Variants in ACVR2A observed in about 807,000 individuals in gnomAD.
ACVR2A encodes activin A receptor type 2A.
ACVR2A carries 7 observed loss-of-function variants against 61.4 expected under a neutral mutation model. That is an observed-to-expected ratio of 0.11 (90% CI 0.06 to 0.21). ACVR2A has a LOEUF of 0.21. Ranked by LOEUF, ACVR2A falls within the 10% of genes least tolerant of loss-of-function variation. The pLI is 1.00. For synonymous variants in ACVR2A, 193 were observed against 208.3 expected, an observed-to-expected ratio of 0.93 and a Z score of 0.63; for missense variants, 322 against 621.7, an observed-to-expected ratio of 0.52 and a Z score of 5.13.
At chr2:147,882,883 G>A (rs893202169) in intron 1 of ACVR2A, among the ~76,000 whole-genome samples, 48 of 152,058 alleles carry the variant, frequency 3.2e-4, no homozygotes, top group Non-Finnish European at 5.9e-4. Flanking sequence ...TTGTTTGGTG[G>A]TGGGAAGGGG....
chr2:147,912,203 T>G (rs900761666), intron 4 of ACVR2A, among the ~76,000 whole-genome samples: 1 of 152,008 alleles, frequency 6.6e-6, no homozygotes, highest in Admixed American at 6.6e-5. Context: ...GGTAGTGGTT[T>G]GGGGGCAGGA....
chr2:147,887,211 CA>C (rs549077029), intron 1 of ACVR2A, among the ~76,000 whole-genome samples: 1,558 of 113,660 alleles, frequency 0.014, 10 homozygotes, highest in African/African-American at 0.034. Flanking sequence ...GATCTTGTCT[CA>C]AAAAAAAAAA....
chr2:147,870,170 AAAATT>A (rs1685973762), intron 1 of ACVR2A, among the ~76,000 whole-genome samples: 1 of 152,100 alleles, frequency 6.6e-6, no homozygotes, highest in African/African-American at 2.4e-5. Flanking sequence ...GCAAAATAAA[AAAATT>A]AGTAGAGTGA....
chr2:147,885,937 T>G (rs2105176728), intron 1 of ACVR2A, among the ~76,000 whole-genome samples: 1 of 152,210 alleles, frequency 6.6e-6, no homozygotes, highest in South Asian at 2.1e-4. Context: ...AAATCCTTTG[T>G]GTTGAGATTT....
intron 1 of ACVR2A, among the ~76,000 whole-genome samples, chr2:147,891,176 A>G (rs991947094): frequency 2.0e-5 from 3 of 152,186 alleles, no homozygotes; most frequent in Non-Finnish European, 2.9e-5. Flanking sequence ...AGCCATTACT[A>G]ACGCTGATTG....
At chr2:147,887,618 A>G (rs1289608067) in intron 1 of ACVR2A, among the ~76,000 whole-genome samples, 1 of 152,146 alleles carries the variant, frequency 6.6e-6, no homozygotes, top group African/African-American at 2.4e-5. Context: ...TAATTGACAA[A>G]TAATTGCATA....
At chr2:147,922,488 TATAA>T (rs1316305008) in intron 8 of ACVR2A, among the ~76,000 whole-genome samples, 3 of 152,134 alleles carry the variant, frequency 2.0e-5, no homozygotes, top group African/African-American at 4.8e-5. Flanking sequence ...TGGGGACAGT[TATAA>T]ATAAAGGACT....
chr2:147,888,184 T>A (rs1465825706), intron 1 of ACVR2A, among the ~76,000 whole-genome samples: 5 of 152,206 alleles, frequency 3.3e-5, no homozygotes, highest in Non-Finnish European at 4.4e-5. Context: ...TATGTTTCTG[T>A]CCCTCTGTCA....
chr2:147,923,281 A>G (rs1687429682), intron 9 of ACVR2A, among the ~76,000 whole-genome samples, 170 bp downstream of exon 9: 1 of 151,864 alleles, frequency 6.6e-6, no homozygotes. Context: ...TAGGAGAGGA[A>G]AGGAATTGCT....
At chr2:147,867,863 A>C (rs1685904465) in intron 1 of ACVR2A, among the ~76,000 whole-genome samples, 1 of 152,048 alleles carries the variant, frequency 6.6e-6, no homozygotes, top group Non-Finnish European at 1.5e-5. Context: ...CAACACTAGA[A>C]GACTTCTGAT....
At chr2:147,886,537 G>A (rs1417508169) in intron 1 of ACVR2A, among the ~76,000 whole-genome samples, 1 of 152,120 alleles carries the variant, frequency 6.6e-6, no homozygotes, top group Non-Finnish European at 1.5e-5. Context: ...ATTGTGATAG[G>A]TAAGCTAGTC....
At chr2:147,878,984 TTTG>T (rs1403349749) in intron 1 of ACVR2A, among the ~76,000 whole-genome samples, 2 of 152,182 alleles carry the variant, frequency 1.3e-5, no homozygotes, top group Non-Finnish European at 2.9e-5. Flanking sequence ...ATTATTTTAA[TTTG>T]TTAAGAGTTT....
chr2:147,923,206 G>GTTT, intron 9 of ACVR2A, 95 bp downstream of exon 9: 1 of 1,346,552 alleles, frequency 7.4e-7, no homozygotes, highest in Non-Finnish European at 9.9e-7. Context: ...TTAAAGTACA[G>GTTT]TTTTTTTTTA....
intron 1 of ACVR2A, among the ~76,000 whole-genome samples, chr2:147,861,886 A>G (rs1279666261): frequency 6.8e-6 from 1 of 146,046 alleles, no homozygotes; most frequent in East Asian, 2.1e-4. Context: ...GAATATTAAC[A>G]TTTCTGGGTA....
chr2:147,878,167 CAG>C (rs1444600162), intron 1 of ACVR2A, among the ~76,000 whole-genome samples: 6 of 152,162 alleles, frequency 3.9e-5, no homozygotes, highest in South Asian at 4.2e-4. Flanking sequence ...ATAAAAGTGT[CAG>C]AGAAAAATTT....
At position 147,848,423 on chromosome 2, in the gene ACVR2A, C is replaced by G. The variant is rs935669443; in HGVS notation, c.55+3216C>G. Among the ~76,000 whole-genome samples the G allele has an allele frequency of 3.9e-5, 6 of 152,068 alleles. No homozygotes were observed. In the East Asian group the frequency reaches 1.2e-3, roughly 29 times the overall value. ...CATTTTTGGTTGTCACAACAGGGGA[C>G]GGGGTGTGCTACTGGCATCTAGTTG... On this transcript the variant is annotated intron_variant, in intron 1 of 10. Coordinates refer to ENST00000241416, the MANE Select transcript of ACVR2A (RefSeq NM_001616.5).
At chr2:147,847,641 C>G (rs1295162489) in intron 1 of ACVR2A, among the ~76,000 whole-genome samples, 2 of 152,130 alleles carry the variant, frequency 1.3e-5, no homozygotes, top group African/African-American at 4.8e-5. Flanking sequence ...ACTGATTATG[C>G]AGACTATTCC....
intron 1 of ACVR2A, among the ~76,000 whole-genome samples, chr2:147,864,819 A>G (rs1331779627): frequency 1.3e-5 from 2 of 152,172 alleles, no homozygotes; most frequent in Non-Finnish European, 2.9e-5. Flanking sequence ...AGGGGACCCT[A>G]CTATGTTCGT....
intron 5 of ACVR2A, 101 bp from the exon 6 acceptor site, chr2:147,917,182 T>C (rs1687265935): frequency 7.9e-7 from 1 of 1,260,432 alleles, no homozygotes; most frequent in Non-Finnish European, 1.0e-6. Flanking sequence ...CTTTTTTGTT[T>C]TGTTTTGTTT....
Sources: allele counts gnomAD v4.1 joint callset (sites outside exome capture counted in the v4.1 genomes callset), GRCh38; gene constraint gnomAD v4.1.1; transcripts MANE v1.5; gene names NCBI Gene and HGNC (gene_info 2026-07-23, HGNC 2026-07-21).